Variants in LRP1B observed in about 807,000 individuals in gnomAD.
LRP1B encodes the protein low-density lipoprotein receptor-related protein 1B.
In LRP1B, 217 loss-of-function variants were observed where a neutral mutation model predicts 556.6. The ratio of observed to expected loss-of-function variants is 0.39; its 90% CI spans 0.35 to 0.44. The LOEUF (loss-of-function observed/expected upper bound fraction) is 0.44. Among genes scored for constraint, LRP1B ranks in the 20% least tolerant of loss-of-function variants. The pLI, the probability that LRP1B is intolerant of heterozygous loss-of-function variation, is 1.00. For synonymous variants in LRP1B, 2,047 were observed against 1,865.8 expected, an observed-to-expected ratio of 1.10 and a Z score of -2.50; for missense variants, 5,053 against 5,620.8, an observed-to-expected ratio of 0.90 and a Z score of 3.23.
intron 1 of LRP1B, among the ~76,000 whole-genome samples, chr2:142,072,450 A>G (rs1301090693): frequency 6.6e-6 from 1 of 151,988 alleles, no homozygotes; most frequent in Non-Finnish European, 1.5e-5. Context: ...CAAACCAGAC[A>G]CCAAACACAT....
rs143119368 is a variant in LRP1B, at chr2:140,240,693, G to A, written c.13325-1161C>T. Among the ~76,000 whole-genome samples the A allele has an allele frequency of 8.0e-5, 12 of 150,840 alleles. No homozygotes were observed. In the East Asian group the frequency reaches 2.2e-3, roughly 27 times the overall value. On this transcript the variant is annotated intron_variant, in intron 87 of 90. Coordinates refer to ENST00000389484, the MANE Select transcript of LRP1B (RefSeq NM_018557.3). Reference sequence around the variant, plus strand: ...GGTTGACAAGTCAACTTAATCACTGGTTAACCTAAGAAACCAAGCAGCCCA... The same window carrying A: ...GGTTGACAAGTCAACTTAATCACTGATTAACCTAAGAAACCAAGCAGCCCA...
intron 1 of LRP1B, among the ~76,000 whole-genome samples, chr2:141,910,004 T>A (rs180869847): frequency 1.3e-5 from 2 of 152,022 alleles, no homozygotes; most frequent in Non-Finnish European, 2.9e-5. Context: ...TAAGTAGATA[T>A]CAAGAAATAA....
intron 3 of LRP1B, among the ~76,000 whole-genome samples, chr2:141,395,306 T>C (rs1023799010): frequency 2.4e-4 from 37 of 152,136 alleles, no homozygotes; most frequent in African/African-American, 8.4e-4. Flanking sequence ...TTTTTTTATC[T>C]GTTATACTAT....
chr2:141,890,331 T>TATACATATATATATATATATATATAC (rs1174044369), intron 1 of LRP1B, among the ~76,000 whole-genome samples: 5 of 120,780 alleles, frequency 4.1e-5, no homozygotes, highest in Non-Finnish European at 8.0e-5. Context: ...TACATATATA[T>TATACATATATATATATATATATATAC]ATATATATAT....
chr2:140,655,369 TC>T (rs1354408355), intron 41 of LRP1B, among the ~76,000 whole-genome samples: 4 of 152,152 alleles, frequency 2.6e-5, no homozygotes, highest in African/African-American at 9.7e-5. Flanking sequence ...TTTTCTAGGT[TC>T]TTATAATTGT....
intron 59 of LRP1B, among the ~76,000 whole-genome samples, chr2:140,478,506 T>C (rs1036097021): frequency 1.3e-5 from 2 of 152,162 alleles, no homozygotes; most frequent in African/African-American, 2.4e-5. Context: ...AAGCTTCCCC[T>C]GATAAAGTGA....
intron 7 of LRP1B, chr2:141,167,153 CTCAA>C (rs1488578126): frequency 6.6e-6 from 1 of 151,902 alleles, no homozygotes; most frequent in Non-Finnish European, 1.5e-5. Flanking sequence ...CCATAAACCT[CTCAA>C]TCAAAATCCT....
In LRP1B at chr2:141,293,672, A is replaced by C. The variant is rs372930874; in HGVS notation, c.344-39031T>G. On this transcript the variant is annotated intron_variant, in intron 3 of 90. Transcript: ENST00000389484. ...GGGAATTTTACTTTTTTTCTTTTAG[A>C]TTGGTATATATGTTATTTAAATATC... Among the ~76,000 whole-genome samples, 825 of 142,854 alleles carry C rather than the reference A, an allele frequency of 5.8e-3. 7 individuals carry two copies. Among genetic ancestry groups the C allele is most frequent in the African/African-American group, 0.02 (751 of 38,418 alleles). The allele number at this position is 142,854 out of a possible 152,430, so 93.7% of individuals were successfully genotyped here.
chr2:141,323,271 A>G (rs764361373), intron 3 of LRP1B, among the ~76,000 whole-genome samples: 1 of 152,090 alleles, frequency 6.6e-6, no homozygotes, highest in Non-Finnish European at 1.5e-5. Context: ...CTCATTCCTC[A>G]AAACAAAAAT....
chr2:141,869,919 A>T (rs1698528706), intron 1 of LRP1B, among the ~76,000 whole-genome samples: 2 of 152,100 alleles, frequency 1.3e-5, no homozygotes, highest in South Asian at 4.1e-4. Context: ...AATAAATTTT[A>T]ATGAAAAAAT....
intron 2 of LRP1B, among the ~76,000 whole-genome samples, chr2:141,574,212 C>T (rs57665898): frequency 3.5e-4 from 54 of 152,146 alleles, no homozygotes; most frequent in Non-Finnish European, 7.6e-4. Flanking sequence ...CACTGCAAAC[C>T]GAATCCAGGA....
At chr2:141,740,027 A>G (rs1366835795) in intron 2 of LRP1B, among the ~76,000 whole-genome samples, 2 of 152,130 alleles carry the variant, frequency 1.3e-5, no homozygotes, top group East Asian at 3.9e-4. Context: ...AAGAAAAAAT[A>G]AAACAAAAAT....
At chr2:140,323,425 T>C (rs1296867226) in intron 81 of LRP1B, among the ~76,000 whole-genome samples, 1 of 151,830 alleles carries the variant, frequency 6.6e-6, no homozygotes, top group Non-Finnish European at 1.5e-5. Context: ...GTGGTAAGAG[T>C]CAAAATGGCT....
At chr2:140,782,602 C>A (rs1242380819) in intron 32 of LRP1B, among the ~76,000 whole-genome samples, 3 of 151,974 alleles carry the variant, frequency 2.0e-5, no homozygotes, top group Non-Finnish European at 4.4e-5. Context: ...GAAGCTCTAG[C>A]AAAATAATAC....
intron 66 of LRP1B, among the ~76,000 whole-genome samples, chr2:140,400,199 G>A (rs1367842302): frequency 6.6e-6 from 1 of 152,124 alleles, no homozygotes; most frequent in Admixed American, 6.5e-5. Flanking sequence ...TTAACAACAA[G>A]CACATGCAAC....
At chr2:141,615,557 ATATT>A (rs201252811) in intron 2 of LRP1B, among the ~76,000 whole-genome samples, 1,523 of 140,062 alleles carry the variant, frequency 0.011, 18 homozygotes, top group African/African-American at 0.036. Context: ...ATAAAATTTT[ATATT>A]TAATATAATT....
intron 2 of LRP1B, among the ~76,000 whole-genome samples, chr2:141,529,823 G>A (rs1684809595): frequency 6.6e-6 from 1 of 152,116 alleles, no homozygotes; most frequent in South Asian, 2.1e-4. Context: ...TGGTGTTAGT[G>A]TGTAGCACTG....
At chr2:140,309,036 A>C (rs1573767949) in intron 83 of LRP1B, among the ~76,000 whole-genome samples, 1 of 151,808 alleles carries the variant, frequency 6.6e-6, no homozygotes, top group South Asian at 2.1e-4. Flanking sequence ...TCAAGTAATA[A>C]AAGTTCTGAA....
intron 18 of LRP1B, among the ~76,000 whole-genome samples, chr2:140,975,042 CACA>C (rs2105334276): frequency 6.6e-6 from 1 of 152,188 alleles, no homozygotes; most frequent in Non-Finnish European, 1.5e-5. Flanking sequence ...GCAGCCTGCT[CACA>C]ACATTTGGGG....
Sources: gnomAD v4.1 joint callset for allele counts (sites outside exome capture counted in the v4.1 genomes callset) on GRCh38, gnomAD v4.1.1 for gene constraint, MANE v1.5 for transcripts, NCBI Gene and HGNC (gene_info 2026-07-23, HGNC 2026-07-21) for gene names.